The following IL33 variants were observed in gnomAD, a reference collection of about 807,000 sequenced individuals.
IL33 encodes interleukin 33, also known as interleukin-33.
In IL33, 37 loss-of-function variants were observed where a neutral mutation model predicts 27.3. The observed-to-expected ratio is 1.36, with a 90% confidence interval of 1.04 to 1.78. IL33 has a LOEUF of 1.78. IL33 is among the 40% of genes most tolerant of loss of function. The probability of loss-of-function intolerance (pLI) is 0.00; values close to 1 mark genes in which losing one functional copy is unlikely to be tolerated. For synonymous variants in IL33, 132 were observed against 102.9 expected (o/e 1.28, Z -1.71); for missense variants, 406 against 311.4 (o/e 1.30, Z -2.29).
rs1816325331 is a variant in IL33, at chr9:6,251,075, C to T, written c.218-65C>T. The T allele has an allele frequency of 4.3e-5, 67 of 1,576,372 alleles. No homozygotes were observed. In the South Asian group the frequency reaches 5.4e-4, roughly 13 times the overall value. On this transcript the variant is annotated intron_variant, in intron 3 of 7. Coordinates refer to ENST00000682010, the MANE Select transcript of IL33 (RefSeq NM_033439.4). ...TCAGCAAGCAGCCTTAACTGGGAATCCTCAAAGGGGCATTTGTGCAGAGTG... is the reference window on the plus strand; with the variant it reads ...TCAGCAAGCAGCCTTAACTGGGAATTCTCAAAGGGGCATTTGTGCAGAGTG...
At chr9:6,232,375 G>A (rs942391397) in intron 1 of IL33, among the ~76,000 whole-genome samples, 1 of 152,118 alleles carries the variant, frequency 6.6e-6, no homozygotes, top group Non-Finnish European at 1.5e-5. Context: ...GTTCAGAGGT[G>A]AATGACCAAC....
intron 1 of IL33, among the ~76,000 whole-genome samples, chr9:6,226,891 C>T (rs1818661832): frequency 6.6e-6 from 1 of 152,212 alleles, no homozygotes; most frequent in Non-Finnish European, 1.5e-5. Context: ...GAAGACTTTT[C>T]TGTGGGAATG....
At chr9:6,228,907 A>AG (rs1260688866) in intron 1 of IL33, among the ~76,000 whole-genome samples, 2 of 56,338 alleles carry the variant, frequency 3.6e-5, no homozygotes, top group Admixed American at 3.0e-4. Context: ...AAGTAAAAAC[A>AG]AAAAACCAAA....
intron 1 of IL33, among the ~76,000 whole-genome samples, chr9:6,219,329 G>A (rs945342741): frequency 2.0e-5 from 3 of 151,886 alleles, no homozygotes; most frequent in African/African-American, 4.8e-5. Context: ...CAACCTTAGT[G>A]GGCCTCAAAA....
At chr9:6,254,006 C>T (rs918925414) in intron 6 of IL33, among the ~76,000 whole-genome samples, 3 of 152,174 alleles carry the variant, frequency 2.0e-5, no homozygotes, top group Non-Finnish European at 4.4e-5. Flanking sequence ...CAGATGTATG[C>T]ATTCTATTTC....
At chr9:6,252,754 C>T (rs1587668758) in intron 4 of IL33, 112 bp from the exon 5 acceptor site, 1 of 1,238,688 alleles carries the variant, frequency 8.1e-7, no homozygotes, top group Non-Finnish European at 1.2e-6. Flanking sequence ...ATCTAGCCAA[C>T]AGTGACATAC....
chr9:6,226,094 A>G (rs1818614270), intron 1 of IL33, among the ~76,000 whole-genome samples: 1 of 152,082 alleles, frequency 6.6e-6, no homozygotes, highest in South Asian at 2.1e-4. Flanking sequence ...TGCGGCCTCA[A>G]ACTCCTGGGC....
intron 2 of IL33, among the ~76,000 whole-genome samples, chr9:6,248,360 G>C (rs1820001201): frequency 1.4e-5 from 2 of 146,636 alleles, no homozygotes; most frequent in East Asian, 2.0e-4. Context: ...GATGTAATTA[G>C]GTCATGAGAA....
At position 6,231,483 on chromosome 9, in the gene IL33, G is replaced by A. The variant is rs149668362; in HGVS notation, c.-11-10201G>A. ...TTCATATGTTCCTCACGCCCTTTGG[G>A]TGCAGTTTAAATGTCACCTTCTCTG... is the stretch of plus-strand genomic sequence containing the variant. On this transcript the variant is annotated intron_variant, in intron 1 of 7. Transcript: ENST00000682010. Among the ~76,000 whole-genome samples, 469 of 152,224 alleles carry A rather than the reference G, an allele frequency of 3.1e-3. 3 individuals are homozygous for A. Among genetic ancestry groups the A allele is most frequent in the Admixed American group, 5.0e-3 (77 of 15,288 alleles).
intron 1 of IL33, among the ~76,000 whole-genome samples, chr9:6,231,910 A>G (rs1054763468): frequency 1.3e-5 from 2 of 152,304 alleles, no homozygotes; most frequent in South Asian, 2.1e-4. Context: ...ATTTTCCACA[A>G]TGAGTATGCA....
intron 1 of IL33, among the ~76,000 whole-genome samples, chr9:6,227,095 G>A (rs906376547): frequency 6.6e-6 from 1 of 152,232 alleles, no homozygotes; most frequent in Non-Finnish European, 1.5e-5. Context: ...AGAGATATGT[G>A]TTTCCTTCCA....
chr9:6,227,017 C>T (rs182190049), intron 1 of IL33, among the ~76,000 whole-genome samples: 1 of 152,372 alleles, frequency 6.6e-6, no homozygotes, highest in African/African-American at 2.4e-5. Context: ...TTTGGAAGCA[C>T]ACAAGTAGTT....
intron 1 of IL33, among the ~76,000 whole-genome samples, chr9:6,220,205 G>C (rs894321405): frequency 1.3e-5 from 2 of 152,048 alleles, no homozygotes; most frequent in African/African-American, 2.4e-5. Context: ...TTGGCTGAGC[G>C]CTTTACTTTT....
At chr9:6,224,377 G>T (rs952456421) in intron 1 of IL33, among the ~76,000 whole-genome samples, 1 of 152,142 alleles carries the variant, frequency 6.6e-6, no homozygotes, top group African/African-American at 2.4e-5. Flanking sequence ...CTAATTTAAA[G>T]ATATATATTG....
chr9:6,233,638 C>T (rs1329369705), intron 1 of IL33, among the ~76,000 whole-genome samples: 1 of 152,170 alleles, frequency 6.6e-6, no homozygotes, highest in Non-Finnish European at 1.5e-5. Flanking sequence ...TATATCTTCT[C>T]ATTTAATTCT....
At chr9:6,226,829 T>G (rs1818658152) in intron 1 of IL33, among the ~76,000 whole-genome samples, 1 of 152,256 alleles carries the variant, frequency 6.6e-6, no homozygotes, top group Non-Finnish European at 1.5e-5. Flanking sequence ...CCATGGTGTC[T>G]GGTATTCTCG....
intron 1 of IL33, among the ~76,000 whole-genome samples, chr9:6,218,036 C>A (rs1818223559): frequency 6.6e-6 from 1 of 152,160 alleles, no homozygotes; most frequent in South Asian, 2.1e-4. Flanking sequence ...AGAAAATGTA[C>A]CTCTCTGAGT....
intron 1 of IL33, among the ~76,000 whole-genome samples, chr9:6,236,712 CA>C (rs5896145): frequency 0.67 from 102,130 of 151,600 alleles, 34,921 homozygotes; most frequent in Middle Eastern, 0.76. Flanking sequence ...TATAAAAATA[CA>C]AAAAAAATTG....
chr9:6,235,612 C>T (rs1819156611), intron 1 of IL33, among the ~76,000 whole-genome samples: 1 of 152,046 alleles, frequency 6.6e-6, no homozygotes, highest in African/African-American at 2.4e-5. Context: ...AAAGTTGTAA[C>T]ACAAATCACA....
Sources: gnomAD v4.1 joint callset for allele counts (sites outside exome capture counted in the v4.1 genomes callset) on GRCh38, gnomAD v4.1.1 for gene constraint, MANE v1.5 for transcripts, NCBI Gene and HGNC (gene_info 2026-07-23, HGNC 2026-07-21) for gene names.